The following KANSL1L variants were observed in gnomAD, a reference collection of about 807,000 sequenced individuals.
KANSL1L encodes KAT8 regulatory NSL complex subunit 1 like.
Under a neutral mutation model 108.6 loss-of-function variants are expected in KANSL1L, and 25 were observed. That is an observed-to-expected ratio of 0.23 (90% CI 0.17 to 0.32). KANSL1L has a LOEUF of 0.32. Ranked by LOEUF, KANSL1L falls within the 10% of genes least tolerant of loss-of-function variation. The pLI, the probability that KANSL1L is intolerant of heterozygous loss-of-function variation, is 1.00. For missense variants in KANSL1L, 1,137 were observed against 1,125.7 expected, an observed-to-expected ratio of 1.01 and a Z score of -0.14; for synonymous variants, 405 against 395.1, an observed-to-expected ratio of 1.03 and a Z score of -0.30.
chr2:210,161,183 T>G (rs2095359517), intron 1 of KANSL1L, among the ~76,000 whole-genome samples: 1 of 152,054 alleles, frequency 6.6e-6, no homozygotes. Context: ...AGATGGGGTT[T>G]CACCATGTTG....
intron 6 of KANSL1L, among the ~76,000 whole-genome samples, chr2:210,053,810 A>T (rs2094319145): frequency 6.6e-6 from 1 of 152,074 alleles, no homozygotes; most frequent in African/African-American, 2.4e-5. Context: ...AAATTTCCTT[A>T]ATATATATGT....
intron 5 of KANSL1L, among the ~76,000 whole-genome samples, chr2:210,090,074 CTAAGA>C (rs1203876464): frequency 6.6e-6 from 1 of 152,128 alleles, no homozygotes; most frequent in African/African-American, 2.4e-5. Context: ...AGTATACTAT[CTAAGA>C]TAAGAAATAA....
intron 1 of KANSL1L, among the ~76,000 whole-genome samples, chr2:210,163,973 T>C (rs1355048809): frequency 6.6e-6 from 1 of 152,102 alleles, no homozygotes; most frequent in Admixed American, 6.5e-5. Flanking sequence ...TGAGATATAT[T>C]TTATTGTGAA....
intron 11 of KANSL1L, 109 bp from the exon 12 acceptor site, chr2:210,027,459 C>A: frequency 2.9e-6 from 2 of 688,240 alleles, no homozygotes; most frequent in South Asian, 3.5e-5. Flanking sequence ...TTCCATGGTT[C>A]AAATTGTTGT....
At chr2:210,039,864 C>T (rs919724889) in intron 8 of KANSL1L, among the ~76,000 whole-genome samples, 10 of 151,774 alleles carry the variant, frequency 6.6e-5, no homozygotes, top group Non-Finnish European at 1.0e-4. Flanking sequence ...ATATACAATT[C>T]TTCCCTGATA....
intron 3 of KANSL1L, among the ~76,000 whole-genome samples, chr2:210,106,539 C>A (rs544832266): frequency 6.6e-6 from 1 of 151,984 alleles, no homozygotes; most frequent in Admixed American, 6.6e-5. Context: ...GAGGGTGAGG[C>A]AGGTGGATCA....
chr2:210,071,064 A>C (rs181985066), intron 6 of KANSL1L, among the ~76,000 whole-genome samples: 1 of 151,810 alleles, frequency 6.6e-6, no homozygotes, highest in Non-Finnish European at 1.5e-5. Context: ...AGGCTGAGGC[A>C]GGAAAACTGC....
At chr2:210,063,526 T>A (rs2094440052) in intron 6 of KANSL1L, among the ~76,000 whole-genome samples, 1 of 152,236 alleles carries the variant, frequency 6.6e-6, no homozygotes, top group Non-Finnish European at 1.5e-5. Flanking sequence ...AAGGGGGCTA[T>A]ACTCTGCAAA....
chr2:210,158,791 A>G (rs993061439), intron 1 of KANSL1L, among the ~76,000 whole-genome samples: 3 of 152,186 alleles, frequency 2.0e-5, no homozygotes, highest in Non-Finnish European at 4.4e-5. Flanking sequence ...TATAAATAAA[A>G]AAGATTAAAT....
At chr2:210,055,677 G>A (rs2094342359) in intron 6 of KANSL1L, among the ~76,000 whole-genome samples, 1 of 152,196 alleles carries the variant, frequency 6.6e-6, no homozygotes, top group Non-Finnish European at 1.5e-5. Flanking sequence ...GGTGATTCTT[G>A]CCCTGTGTTA....
chr2:210,162,884 T>C (rs2095369518), intron 1 of KANSL1L, among the ~76,000 whole-genome samples: 1 of 152,130 alleles, frequency 6.6e-6, no homozygotes, highest in Non-Finnish European at 1.5e-5. Flanking sequence ...TTTTAAAAGG[T>C]TACATATTAA....
chr2:210,165,966 C>G (rs1251747711), intron 1 of KANSL1L, among the ~76,000 whole-genome samples: 1 of 152,078 alleles, frequency 6.6e-6, no homozygotes, highest in East Asian at 1.9e-4. Context: ...TGTTGCTAAT[C>G]TTTTACTATG....
intron 2 of KANSL1L, among the ~76,000 whole-genome samples, chr2:210,141,570 A>C (rs899562615): frequency 3.3e-5 from 5 of 152,298 alleles, no homozygotes; most frequent in African/African-American, 1.2e-4. Flanking sequence ...TGGACTTCCC[A>C]GCCTCCAGAC....
chr2:210,154,506 T>C lies in KANSL1L; in HGVS notation c.77A>G (p.Lys26Arg). 1.2e-6 allele frequency: 2 copies of C among 1,607,256 alleles called. No individual in the cohort carries two copies. The highest frequency in any genetic ancestry group is 2.2e-5 in the South Asian group (2 of 89,578). ...TCTGGGACTTTCCATGTAGAGCATC[T>C]TGTCAGACTCCATGGTACTTGGCAA... ...SSLPSTMESD[K>R]MLYMESPRTV... is the part of the protein sequence containing the mutation. The change falls in exon 2 of 15, where the codon AAG becomes AGG. Residue 26 changes from lysine (K) to arginine (R), a missense_variant. Lys to Arg is a conservative substitution (Grantham distance 26). Transcript: ENST00000281772.
At chr2:210,159,985 G>A (rs1182717690) in intron 1 of KANSL1L, among the ~76,000 whole-genome samples, 4 of 152,236 alleles carry the variant, frequency 2.6e-5, no homozygotes, top group African/African-American at 9.6e-5. Flanking sequence ...GCAGTGAGCC[G>A]AGATCACGCC....
chr2:210,040,558 A>AAAT (rs1402791383), intron 7 of KANSL1L, 31 bp from the exon 8 acceptor site: 1 of 1,001,078 alleles, frequency 1.0e-6, no homozygotes, highest in Admixed American at 2.4e-5. Flanking sequence ...AGGTATTTTC[A>AAAT]AATACCACTC....
chr2:210,080,818 T>C (rs1432958059), intron 5 of KANSL1L, among the ~76,000 whole-genome samples: 1 of 151,916 alleles, frequency 6.6e-6, no homozygotes, highest in Non-Finnish European at 1.5e-5. Context: ...TTGCCTTATC[T>C]GCTTGTGGCT....
chr2:210,084,376 C>T (rs1165829585), intron 5 of KANSL1L, among the ~76,000 whole-genome samples: 2 of 151,236 alleles, frequency 1.3e-5, no homozygotes, highest in East Asian at 2.0e-4. Context: ...GAGCCGAGAT[C>T]GCACCACTGC....
At position 210,062,925 on chromosome 2, in the gene KANSL1L, G is replaced by A. The variant is rs181994992; in HGVS notation, c.1755+12627C>T. 2.6e-5 allele frequency among the ~76,000 whole-genome samples: 4 copies of A among 152,262 alleles called. No homozygotes were observed. The East Asian group carries it at 7.7e-4, about 29-fold the overall frequency. On this transcript the variant is annotated intron_variant, in intron 6 of 14. Transcript: ENST00000281772. The stretch of plus-strand genomic sequence containing the variant: ...TGCAGAAAGTTGCATAAGTAATGAG[G>A]GGCCAAATGTTAATCCCCAAGACAA...
Sources: allele counts gnomAD v4.1 joint callset (sites outside exome capture counted in the v4.1 genomes callset), GRCh38; gene constraint gnomAD v4.1.1; transcripts MANE v1.5; gene names NCBI Gene and HGNC (gene_info 2026-07-23, HGNC 2026-07-21).